The following PADI4 variants were observed in gnomAD, a reference collection of about 807,000 sequenced individuals.
PADI4 encodes protein-arginine deiminase type-4.
Under a neutral mutation model 75.0 loss-of-function variants are expected in PADI4, and 62 were observed. The ratio of observed to expected loss-of-function variants is 0.83; its 90% CI spans 0.67 to 1.02. The LOEUF (loss-of-function observed/expected upper bound fraction) is 1.02. PADI4 is among the 50% of genes least tolerant of loss of function. The pLI is 0.00. For synonymous variants in PADI4, 361 were observed against 348.1 expected, an observed-to-expected ratio of 1.04 and a Z score of -0.41; for missense variants, 845 against 850.5, an observed-to-expected ratio of 0.99 and a Z score of 0.08.
chr1:17,312,074 A>G (rs2073844337), intron 1 of PADI4, among the ~76,000 whole-genome samples: 1 of 152,208 alleles, frequency 6.6e-6, no homozygotes, highest in Admixed American at 6.5e-5. Flanking sequence ...AAGGTTAAGG[A>G]CGTGCCCAGG....
chr1:17,316,877 C>A (rs2073950123), intron 1 of PADI4, among the ~76,000 whole-genome samples: 1 of 151,982 alleles, frequency 6.6e-6, no homozygotes, highest in African/African-American at 2.4e-5. Flanking sequence ...TGGGGCAGAG[C>A]CTCAGTGTGC....
At chr1:17,339,074 C>T (rs1272955145) in intron 5 of PADI4, among the ~76,000 whole-genome samples, 2 of 152,086 alleles carry the variant, frequency 1.3e-5, no homozygotes, top group Non-Finnish European at 2.9e-5. Context: ...AACTCTTGCC[C>T]CTGTCTTAGT....
chr1:17,355,785 T>A (rs1163246688), intron 11 of PADI4, among the ~76,000 whole-genome samples, 198 bp from the exon 12 acceptor site: 1 of 152,222 alleles, frequency 6.6e-6, no homozygotes, highest in Non-Finnish European at 1.5e-5. Context: ...ACTCTGTGCC[T>A]CAGTTTCCCC....
At chr1:17,323,776 T>A (rs1342835716) in intron 1 of PADI4, among the ~76,000 whole-genome samples, 1 of 151,988 alleles carries the variant, frequency 6.6e-6, no homozygotes, top group Non-Finnish European at 1.5e-5. Context: ...GAGGTTGCAG[T>A]GAGCTGAGAT....
chr1:17,310,582 G>T (rs2073805002), intron 1 of PADI4, among the ~76,000 whole-genome samples: 1 of 152,020 alleles, frequency 6.6e-6, no homozygotes, highest in African/African-American at 2.4e-5. Flanking sequence ...CCAAGATTGG[G>T]CTAGTGCACT....
chr1:17,317,017 G>C (rs920315833), intron 1 of PADI4, among the ~76,000 whole-genome samples: 4 of 152,182 alleles, frequency 2.6e-5, no homozygotes, highest in Admixed American at 1.3e-4. Context: ...ACAGATACCA[G>C]TGTATGCATT....
rs1350290443 is a variant in PADI4, at chr1:17,358,576, A to T, written c.1559-262A>T. Among the ~76,000 whole-genome samples the T allele has an allele frequency of 2.3e-5, 3 of 130,694 alleles. 1 individual carries two copies. The highest frequency in any genetic ancestry group is 1.6e-5 in the Non-Finnish European group (1 of 62,552). The allele number at this position is 130,694 out of a possible 152,430, so 85.7% of individuals were successfully genotyped here. A position where few individuals can be genotyped will look rare whatever the true frequency, so the allele number is the denominator to read the frequency against. ...GCGAGACTCCGTCTCAAAAAAAAAA[A>T]AAAATAATAATAAAAATAAAAATAT... On this transcript the variant is annotated intron_variant, in intron 13 of 15. Coordinates refer to ENST00000375448, the MANE Select transcript of PADI4 (RefSeq NM_012387.3).
rs767746441 is a variant in PADI4 at position 17,338,143 on chromosome 1, C to T, written c.514C>T (p.Leu172Phe). The T allele has an allele frequency of 1.2e-6, 2 of 1,606,564 alleles. No individual in the cohort carries two copies. Among genetic ancestry groups the T allele is most frequent in the East Asian group, 4.5e-5 (2 of 44,796 alleles). Reference sequence around the variant, plus strand: ...CATGGACTGCGAGGATGATGAAGTGCTTGACAGCGAAGGTAAAGAGCATTT... The same window carrying T: ...CATGGACTGCGAGGATGATGAAGTGTTTGACAGCGAAGGTAAAGAGCATTT... Reference protein sequence around the residue: ...SAMDCEDDEVLDSEDLQDMSL... With the variant: ...SAMDCEDDEVFDSEDLQDMSL... The change falls in exon 5 of 16, where the codon CTT becomes TTT. Residue 172 changes from leucine (L) to phenylalanine (F), a missense_variant. Leu to Phe is a conservative substitution (Grantham distance 22). Coordinates refer to ENST00000375448, the MANE Select transcript of PADI4 (RefSeq NM_012387.3).
chr1:17,311,561 C>G (rs1234763711), intron 1 of PADI4, among the ~76,000 whole-genome samples: 2 of 151,070 alleles, frequency 1.3e-5, no homozygotes, highest in Non-Finnish European at 2.9e-5. Flanking sequence ...CTCGCTCTGT[C>G]CAGCCCAGGC....
intron 1 of PADI4, among the ~76,000 whole-genome samples, chr1:17,322,513 A>G (rs2074048270): frequency 6.6e-6 from 1 of 152,010 alleles, no homozygotes; most frequent in African/African-American, 2.4e-5. Context: ...GATAAGCTAT[A>G]AATGTACAAT....
intron 5 of PADI4, among the ~76,000 whole-genome samples, chr1:17,338,526 T>C (rs1429615829): frequency 1.3e-5 from 2 of 152,220 alleles, no homozygotes; most frequent in Non-Finnish European, 2.9e-5. Context: ...ACCTCTGCCA[T>C]AGGCCGGGCA....
chr1:17,348,529 G>A (rs2074560579), intron 10 of PADI4, among the ~76,000 whole-genome samples: 1 of 152,200 alleles, frequency 6.6e-6, no homozygotes, highest in Non-Finnish European at 1.5e-5. Flanking sequence ...CCATGTGGAG[G>A]TGGGAAGTGA....
At position 17,341,994 on chromosome 1, in the gene PADI4, C is replaced by T. The variant is rs1475157338; in HGVS notation, c.704C>T (p.Ser235Phe). The change falls in exon 7 of 16, where the codon TCT (serine) becomes TTT (phenylalanine). Residue 235 changes from serine (S) to phenylalanine (F), a missense_variant. By Grantham distance (155) the Ser-to-Phe change is radical. Coordinates refer to ENST00000375448, the MANE Select transcript of PADI4 (RefSeq NM_012387.3). The stretch of plus-strand genomic sequence containing the variant: ...GTAGTCTTGGGTCCCAAGTGGCCCT[C>T]TCACTACCTGATGGTCCCCGGTGGA... Reference protein sequence around the residue: ...CSVVLGPKWPSHYLMVPGGKH... With the variant: ...CSVVLGPKWPFHYLMVPGGKH... 5.9e-5 allele frequency: 96 copies of T among 1,613,984 alleles called. No homozygotes were observed. The Admixed American group carries it at 1.6e-3, about 27-fold the overall frequency.
At chr1:17,320,238 C>T (rs1569993760) in intron 1 of PADI4, among the ~76,000 whole-genome samples, 1 of 150,266 alleles carries the variant, frequency 6.7e-6, no homozygotes, top group Non-Finnish European at 1.5e-5. Context: ...CCACAGTTTC[C>T]CTGACTCAGA....
intron 11 of PADI4, among the ~76,000 whole-genome samples, chr1:17,355,677 C>A (rs1269969175): frequency 6.6e-6 from 1 of 152,188 alleles, no homozygotes; most frequent in Non-Finnish European, 1.5e-5. Context: ...TTAGGTCAGA[C>A]TGGCTCTAAG....
intron 10 of PADI4, among the ~76,000 whole-genome samples, chr1:17,350,548 T>C (rs149482834): frequency 7.7e-6 from 1 of 130,512 alleles, no homozygotes; most frequent in East Asian, 3.3e-4. Context: ...TCAGGCCGCA[T>C]CACCTGGCAT....
intron 1 of PADI4, among the ~76,000 whole-genome samples, chr1:17,322,533 G>GA (rs1244554623): frequency 6.6e-6 from 1 of 152,110 alleles, no homozygotes; most frequent in Non-Finnish European, 1.5e-5. Context: ...TTGCTAGGGA[G>GA]AAATTCAACA....
At position 17,354,576 on chromosome 1, in the gene PADI4, G is replaced by C. The variant is rs145686734; in HGVS notation, c.1199G>C (p.Gly400Ala). Residue 400 changes from glycine (G) to alanine (A), a missense_variant, in exon 11 of 16, where the codon GGT (glycine) becomes GCT (alanine). Physicochemically the swap from Gly to Ala is moderately conservative, Grantham distance 60. Transcript: ENST00000375448. ...GYVTRGPQTG[G>A]ISGLDSFGNL... ...GTAACTCGAGGGCCCCAAACAGGGG[G>C]TATCAGTGGACTGGACTCCTTTGGG... 1.8e-5 allele frequency: 29 copies of C among 1,614,038 alleles called. No homozygotes were observed. Among genetic ancestry groups the C allele is most frequent in the Middle Eastern group, 1.6e-4 (1 of 6,084 alleles).
In PADI4 at chr1:17,348,046, A is replaced by G. The variant is rs763816636; in HGVS notation, c.1153A>G (p.Met385Val). The G allele has an allele frequency of 4.4e-6, 7 of 1,582,750 alleles. No homozygotes were observed. The highest frequency in any genetic ancestry group is 6.1e-6 in the Non-Finnish European group (7 of 1,151,912). ...GAAGGAGTTTCCCATCAAACGCGTG[A>G]TGGTACCTGCATGGGGTGGGGAGGG... ...GLKEFPIKRV[M>V]GPDFGYVTRG... The change falls in exon 10 of 16, where the codon ATG becomes GTG. Residue 385 changes from methionine (M) to valine (V), a missense_variant and splice_region_variant. Coordinates refer to ENST00000375448, the MANE Select transcript of PADI4 (RefSeq NM_012387.3).
Sources: allele counts gnomAD v4.1 joint callset (sites outside exome capture counted in the v4.1 genomes callset), GRCh38; gene constraint gnomAD v4.1.1; transcripts MANE v1.5; gene names NCBI Gene and HGNC (gene_info 2026-07-23, HGNC 2026-07-21).